Variants in RIMS2 observed in about 807,000 individuals in gnomAD.
RIMS2 encodes the protein regulating synaptic membrane exocytosis protein 2.
RIMS2 carries 59 observed loss-of-function variants against 174.4 expected under a neutral mutation model. The ratio of observed to expected loss-of-function variants is 0.34; its 90% CI spans 0.27 to 0.42. The LOEUF is 0.42. Among genes scored for constraint, RIMS2 ranks in the 10% least tolerant of loss-of-function variants. The pLI is 1.00. For missense variants in RIMS2, 1,620 were observed against 1,666.3 expected, an observed-to-expected ratio of 0.97 and a Z score of 0.48; for synonymous variants, 606 against 572.5, an observed-to-expected ratio of 1.06 and a Z score of -0.84.
intron 1 of RIMS2, among the ~76,000 whole-genome samples, chr8:103,509,868 A>C (rs1264025666): frequency 6.6e-6 from 1 of 152,140 alleles, no homozygotes; most frequent in East Asian, 1.9e-4. Flanking sequence ...TATCTATATT[A>C]TATATACCTG....
At chr8:104,105,824 C>T (rs534665118) in intron 19 of RIMS2, among the ~76,000 whole-genome samples, 146 of 151,766 alleles carry the variant, frequency 9.6e-4, no homozygotes, top group Non-Finnish European at 1.6e-3. Flanking sequence ...AGATCATGAG[C>T]TCAGGAGATC....
intron 17 of RIMS2, among the ~76,000 whole-genome samples, chr8:103,999,792 A>G (rs2095305177): frequency 6.6e-6 from 1 of 151,748 alleles, no homozygotes; most frequent in Admixed American, 6.6e-5. Context: ...CAATGTAGCT[A>G]GAATTAGTTC....
intron 3 of RIMS2, among the ~76,000 whole-genome samples, chr8:103,829,823 C>T (rs1439808210): frequency 1.3e-5 from 2 of 151,992 alleles, no homozygotes; most frequent in African/African-American, 4.8e-5. Flanking sequence ...ATGTAACAAA[C>T]CTGCACATGT....
At chr8:104,075,859 C>A (rs2097280014) in intron 19 of RIMS2, among the ~76,000 whole-genome samples, 1 of 152,124 alleles carries the variant, frequency 6.6e-6, no homozygotes, top group Non-Finnish European at 1.5e-5. Flanking sequence ...ACTATACTCC[C>A]CACCTCTCCA....
At chr8:104,105,774 C>T (rs756931843) in intron 19 of RIMS2, among the ~76,000 whole-genome samples, 5 of 151,920 alleles carry the variant, frequency 3.3e-5, no homozygotes, top group Middle Eastern at 3.2e-3. Flanking sequence ...CATGGTGGCT[C>T]ACACCTGTAA....
rs573261887 is a variant in RIMS2 at position 103,608,613 on chromosome 8, T to A, written c.177-88473T>A. ...GCCTCGCTGCCGCCTTGCAGTTTGATCTCAGACTGCTGTGCTAGCAATCAG... is the reference window on the plus strand; with the variant it reads ...GCCTCGCTGCCGCCTTGCAGTTTGAACTCAGACTGCTGTGCTAGCAATCAG... On this transcript the variant is annotated intron_variant, in intron 1 of 23. Coordinates refer to ENST00000504942, the Ensembl canonical transcript of RIMS2. Among the ~76,000 whole-genome samples the A allele has an allele frequency of 1.1e-3, 171 of 150,610 alleles. 1 individual carries two copies. The highest frequency in any genetic ancestry group is 1.9e-3 in the Non-Finnish European group (130 of 67,608).
intron 1 of RIMS2, among the ~76,000 whole-genome samples, chr8:103,610,863 A>G (rs541012480): frequency 4.6e-5 from 7 of 152,030 alleles, no homozygotes; most frequent in Non-Finnish European, 1.0e-4. Context: ...AGAGGAGTTC[A>G]TTCACAATTT....
chr8:103,600,104 T>A (rs1579376), intron 1 of RIMS2, among the ~76,000 whole-genome samples: 118,551 of 151,978 alleles, frequency 0.78, 46,555 homozygotes, highest in East Asian at 0.88. Context: ...AAATTTTTAC[T>A]TCCCACAAAT....
chr8:103,530,537 T>C (rs2449917), intron 1 of RIMS2, among the ~76,000 whole-genome samples: 28,599 of 152,028 alleles, frequency 0.19, 3,193 homozygotes, highest in South Asian at 0.34. Context: ...TTAAAGTATA[T>C]GATATAGAAA....
chr8:104,038,474 C>T (rs1019189263), intron 19 of RIMS2, among the ~76,000 whole-genome samples: 1 of 151,782 alleles, frequency 6.6e-6, no homozygotes, highest in Non-Finnish European at 1.5e-5. Context: ...ATAGAAGAGT[C>T]TGGTAACTGG....
chr8:103,584,440 A>ATT (rs34372929), intron 1 of RIMS2, among the ~76,000 whole-genome samples: 19 of 146,540 alleles, frequency 1.3e-4, no homozygotes, highest in East Asian at 5.8e-4. Context: ...AAAAACACAG[A>ATT]TTTTTTTTAA....
At chr8:103,999,533 A>G (rs2095293897) in intron 17 of RIMS2, among the ~76,000 whole-genome samples, 2 of 151,620 alleles carry the variant, frequency 1.3e-5, no homozygotes, top group Non-Finnish European at 3.0e-5. Context: ...GTAATTATAC[A>G]TTTACCTTAC....
intron 2 of RIMS2, among the ~76,000 whole-genome samples, chr8:103,721,874 G>A (rs2097453603): frequency 1.3e-5 from 2 of 152,180 alleles, no homozygotes; most frequent in Admixed American, 6.5e-5. Context: ...AGAATAAAAA[G>A]ATGGAGGAGT....
At chr8:103,571,863 G>A (rs1233480772) in intron 1 of RIMS2, among the ~76,000 whole-genome samples, 1 of 152,090 alleles carries the variant, frequency 6.6e-6, no homozygotes, top group Non-Finnish European at 1.5e-5. Flanking sequence ...TTCTGCAACT[G>A]GGAAAGACAC....
downstream of RIMS2, chr8:104,251,911 T>C (rs1161725181): frequency 9.3e-6 from 7 of 750,008 alleles, no homozygotes; most frequent in Non-Finnish European, 1.6e-5. Flanking sequence ...ACTGCATGCT[T>C]AATGTTGTGT....
chr8:103,940,577 C>A (rs1487607172), intron 13 of RIMS2, among the ~76,000 whole-genome samples: 1 of 151,864 alleles, frequency 6.6e-6, no homozygotes, highest in Admixed American at 6.6e-5. Flanking sequence ...TGAATGTTGT[C>A]AGCTAAGGAA....
At chr8:104,191,139 T>G (rs979049141) in intron 19 of RIMS2, among the ~76,000 whole-genome samples, 1 of 152,068 alleles carries the variant, frequency 6.6e-6, no homozygotes, top group African/African-American at 2.4e-5. Context: ...CAACAAAAAT[T>G]TATTTTATTG....
At chr8:103,783,205 G>T (rs1200535378) in intron 3 of RIMS2, among the ~76,000 whole-genome samples, 1 of 151,740 alleles carries the variant, frequency 6.6e-6, no homozygotes, top group Non-Finnish European at 1.5e-5. Context: ...AGCCCTTAGG[G>T]GCTACCCAGT....
At chr8:103,984,868 G>T (rs1349721921) in intron 16 of RIMS2, among the ~76,000 whole-genome samples, 1 of 152,214 alleles carries the variant, frequency 6.6e-6, no homozygotes, top group Non-Finnish European at 1.5e-5. Flanking sequence ...AAAGAAATGA[G>T]ATCCTGTCAC....
Sources: allele counts gnomAD v4.1 joint callset (sites outside exome capture counted in the v4.1 genomes callset), GRCh38; gene constraint gnomAD v4.1.1; transcripts MANE v1.5; gene names NCBI Gene and HGNC (gene_info 2026-07-23, HGNC 2026-07-21).